The following ST14 variants were observed in gnomAD, a reference collection of about 807,000 sequenced individuals.
The protein encoded by ST14 is suppressor of tumorigenicity 14 protein.
ST14 carries 40 observed loss-of-function variants against 96.5 expected under a neutral mutation model. The observed-to-expected ratio is 0.41, with a 90% CI of 0.32 to 0.54. ST14 has a LOEUF of 0.54. ST14 is among the 20% of genes least tolerant of loss of function. ST14 has a pLI of 0.17. For missense variants in ST14, 1,066 were observed against 1,188.9 expected (o/e 0.90, Z 1.52); for synonymous variants, 506 against 492.1 (o/e 1.03, Z -0.37).
At chr11:130,208,351 C>CGAGGCCGT in intron 16 of ST14, 59 bp from the exon 17 acceptor site, 1 of 1,611,588 alleles carries the variant, frequency 6.2e-7, no homozygotes, top group Non-Finnish European at 8.5e-7. Context: ...CGCGGGGCCG[C>CGAGGCCGT]GAGGCCGTGT....
chr11:130,168,117 C>T (rs1451558560), intron 1 of ST14, among the ~76,000 whole-genome samples: 1 of 152,200 alleles, frequency 6.6e-6, no homozygotes, highest in Non-Finnish European at 1.5e-5. Context: ...ATCGAGGGAA[C>T]ATATCATTCT....
In ST14 at chr11:130,199,075, C is replaced by G. The variant is rs745674144; in HGVS notation, c.1807+6C>G. On this transcript the variant is annotated splice_donor_region_variant and intron_variant, in intron 15 of 18. Transcript: ENST00000278742. ...CTCAGATGAGAAGGACTGCGGTGAG[C>G]AGGGCATCCGAGTACGGTTGTGCAG... 1.2e-6 allele frequency: 2 copies of G among 1,612,886 alleles called. No homozygotes were observed. Among genetic ancestry groups the G allele is most frequent in the Non-Finnish European group, 1.7e-6 (2 of 1,179,516 alleles).
rs1470386225 is a variant in ST14 at position 130,209,818 on chromosome 11, G to A, written c.2563G>A (p.Val855Ile). 3 of 1,613,800 alleles carry A rather than the reference G, an allele frequency of 1.9e-6. No individual in the cohort carries two copies. Among genetic ancestry groups the A allele is most frequent in the Non-Finnish European group, 2.5e-6 (3 of 1,180,022 alleles). ...FRDWIKENTG[V>I] ...GGACTGGATCAAAGAGAACACTGGG[G>A]TATAGGGGCCGGGGCCACCCAAATG... Residue 855 changes from valine (V) to isoleucine (I), a missense_variant, in exon 19 of 19, where the codon GTA becomes ATA. Coordinates refer to ENST00000278742, the MANE Select transcript of ST14 (RefSeq NM_021978.4).
chr11:130,207,281 T>G (rs897263242), intron 16 of ST14, among the ~76,000 whole-genome samples: 22 of 152,254 alleles, frequency 1.4e-4, no homozygotes, highest in African/African-American at 5.1e-4. Flanking sequence ...GCGGGCACGG[T>G]GGCTTATGCC....
intron 1 of ST14, among the ~76,000 whole-genome samples, chr11:130,168,621 G>T (rs1206962832): frequency 6.6e-6 from 1 of 152,182 alleles, no homozygotes; most frequent in African/African-American, 2.4e-5. Flanking sequence ...TGAGAGGTGG[G>T]TGACATGCCC....
In ST14 at chr11:130,208,517, C is replaced by A; in HGVS notation, c.2102C>A (p.Pro701His). 6.2e-7 allele frequency: 1 copy of A among 1,614,258 alleles called. No homozygotes were observed. Among genetic ancestry groups the A allele is most frequent in the South Asian group, 1.1e-5 (1 of 91,088 alleles). ...ERRLKRIISHPFFNDFTFDYD... is the reference protein window; with the variant it reads ...ERRLKRIISHHFFNDFTFDYD... ...AGGCTCAAGCGCATCATCTCCCACC[C>A]CTTCTTCAATGACTTCACCTTCGAC... The change falls in exon 17 of 19, where the codon CCC becomes CAC. Residue 701 changes from proline to histidine, a missense_variant. Pro to His is a moderately conservative substitution (Grantham distance 77). Coordinates refer to ENST00000278742, the MANE Select transcript of ST14 (RefSeq NM_021978.4).
In ST14 at chr11:130,194,241, G is replaced by C; in HGVS notation, c.968G>C (p.Arg323Pro). ...ACACTGATAACCAACACTGAGCGGC[G>C]GCATCCCGGCTTTGAGGCCACCTTC... The part of the protein sequence containing the change: ...LITLITNTER[R>P]HPGFEATFFQ... The change falls in exon 8 of 19, where the codon CGG becomes CCG. Residue 323 changes from arginine (R) to proline (P), a missense_variant. Transcript: ENST00000278742. The C allele has an allele frequency of 6.2e-7, 1 of 1,614,224 alleles. No homozygotes were observed. The highest frequency in any genetic ancestry group is 1.7e-5 in the Admixed American group (1 of 60,036).
chr11:130,196,551 T>C lies in ST14; in HGVS notation c.1224-19T>C. On this transcript the variant is annotated intron_variant, in intron 10 of 18. Transcript: ENST00000278742. ...CTCCCAGCTGTCCCTCCTCACCTTGTGCCCCGCCCCCCCTCCAGATACTGC... is the reference window on the plus strand; with the variant it reads ...CTCCCAGCTGTCCCTCCTCACCTTGCGCCCCGCCCCCCCTCCAGATACTGC... 2 of 1,481,582 alleles carry C rather than the reference T, an allele frequency of 1.3e-6. No homozygotes were observed. The highest frequency in any genetic ancestry group is 1.2e-5 in the South Asian group (1 of 86,402). The allele number at this position is 1,481,582 out of a possible 1,614,324, so 91.8% of individuals were successfully genotyped here.
At chr11:130,198,239 G>T (rs767301658) in intron 12 of ST14, 69 bp from the exon 13 acceptor site, 3 of 1,441,124 alleles carry the variant, frequency 2.1e-6, no homozygotes, top group Admixed American at 3.3e-5. Context: ...AGCTCTGATC[G>T]CCTGGGCATC....
At chr11:130,185,665 A>G (rs1953230757) in intron 1 of ST14, among the ~76,000 whole-genome samples, 1 of 152,200 alleles carries the variant, frequency 6.6e-6, no homozygotes, top group African/African-American at 2.4e-5. Context: ...CAAGAAAACA[A>G]AAAGACCCAA....
At chr11:130,170,738 C>T (rs908845030) in intron 1 of ST14, among the ~76,000 whole-genome samples, 1 of 152,030 alleles carries the variant, frequency 6.6e-6, no homozygotes. Context: ...GGAGCCAGTG[C>T]CCTTAGACCA....
chr11:130,167,153 G>T (rs1052615227), intron 1 of ST14, among the ~76,000 whole-genome samples: 5 of 152,246 alleles, frequency 3.3e-5, no homozygotes, highest in African/African-American at 1.2e-4. Context: ...GGAGGTTGCA[G>T]TGAGCCGAGA....
Position 130,208,280 on chromosome 11 carries a change from G to A in ST14, c.1995-130G>A, listed in dbSNP as rs567699970. The stretch of plus-strand genomic sequence containing the variant: ...TTAGGGTCAAGACCAAGTAAGAGCC[G>A]GCCCCATCGTCTTCTCGTAGCAGCA... On this transcript the variant is annotated intron_variant, in intron 16 of 18. Coordinates refer to ENST00000278742, the MANE Select transcript of ST14 (RefSeq NM_021978.4). The A allele has an allele frequency of 6.9e-6, 9 of 1,305,244 alleles. No individual in the cohort carries two copies. The East Asian group carries it at 7.3e-5, about 11-fold the overall frequency. 80.9% of individuals were successfully genotyped at this position (1,305,244 alleles called of 1,614,324 possible).
intron 16 of ST14, among the ~76,000 whole-genome samples, chr11:130,205,314 G>C (rs912692244): frequency 1.3e-5 from 2 of 152,180 alleles, no homozygotes; most frequent in Non-Finnish European, 2.9e-5. Flanking sequence ...TTTTAGTGGA[G>C]ATGGGGTTTC....
At chr11:130,172,519 G>A (rs992339350) in intron 1 of ST14, among the ~76,000 whole-genome samples, 2 of 147,880 alleles carry the variant, frequency 1.4e-5, no homozygotes, top group African/African-American at 5.0e-5. Flanking sequence ...CCAGGTTCAC[G>A]CCTTTCTCCT....
intron 16 of ST14, 70 bp from the exon 17 acceptor site, chr11:130,208,340 G>GCGCGGGGC: frequency 1.9e-6 from 3 of 1,606,976 alleles, no homozygotes; most frequent in Non-Finnish European, 2.6e-6. Flanking sequence ...CTCTGGGAAC[G>GCGCGGGGC]CGCGGGGCCG....
chr11:130,161,089 A>C (rs1952995567), intron 1 of ST14, among the ~76,000 whole-genome samples: 1 of 152,086 alleles, frequency 6.6e-6, no homozygotes, highest in Admixed American at 6.6e-5. Context: ...GTCTCAGATC[A>C]ATTCCTTTTG....
rs1379357492 is a variant in ST14 at position 130,199,006 on chromosome 11, A to G, written c.1744A>G (p.Lys582Glu). 8 of 1,613,998 alleles carry G rather than the reference A, an allele frequency of 5.0e-6. No individual in the cohort carries two copies. The highest frequency in any genetic ancestry group is 6.8e-6 in the Non-Finnish European group (8 of 1,180,012). ...CTGCCTCAATGGGCTCTGCTTGAGC[A>G]AGGGCAACCCTGAGTGTGACGGGAA... The part of the protein sequence containing the change: ...YRCLNGLCLS[K>E]GNPECDGKED... The change falls in exon 15 of 19, where the codon AAG becomes GAG. Residue 582 changes from lysine to glutamate, a missense_variant. Transcript: ENST00000278742.
intron 16 of ST14, among the ~76,000 whole-genome samples, chr11:130,206,225 C>T (rs1317554884): frequency 6.6e-6 from 1 of 152,174 alleles, no homozygotes; most frequent in Non-Finnish European, 1.5e-5. Flanking sequence ...AGTTAGGAAG[C>T]AGTGCGCGGG....
Sources: gnomAD v4.1 joint callset for allele counts (sites outside exome capture counted in the v4.1 genomes callset) on GRCh38, gnomAD v4.1.1 for gene constraint, MANE v1.5 for transcripts, NCBI Gene and HGNC (gene_info 2026-07-23, HGNC 2026-07-21) for gene names.